Variants in CASD1 observed in about 807,000 individuals in gnomAD.
CASD1 encodes CAS1 domain sialic acid O acetyltransferase 1.
Under a neutral mutation model 100.0 loss-of-function variants are expected in CASD1, and 41 were observed. The ratio of observed to expected loss-of-function variants is 0.41; its 90% CI spans 0.32 to 0.53. The LOEUF is 0.53. CASD1 is among the 20% of genes least tolerant of loss of function. The pLI, the probability that CASD1 is intolerant of heterozygous loss-of-function variation, is 0.25. For missense variants in CASD1, 774 were observed against 948.7 expected (o/e 0.82, Z 2.42); for synonymous variants, 321 against 315.6 (o/e 1.02, Z -0.18).
chr7:94,509,819 T>C lies in CASD1; in HGVS notation c.-266T>C. The C allele has an allele frequency of 1.0e-6, 1 of 988,106 alleles. No homozygotes were observed. Among genetic ancestry groups the C allele is most frequent in the Non-Finnish European group, 1.2e-6 (1 of 833,320 alleles). The allele number at this position is 988,106 out of a possible 1,614,324, so 61.2% of individuals were successfully genotyped here. A position where few individuals can be genotyped will look rare whatever the true frequency, so the allele number is the denominator to read the frequency against. On this transcript the variant is annotated 5_prime_UTR_variant, in exon 1 of 18. Coordinates refer to ENST00000297273, the MANE Select transcript of CASD1 (RefSeq NM_022900.5). ...GAGGAGGAAGGGGAGGAGACAGGCG[T>C]CCAGGGCGCCTGGGGAACCGGCACG...
At chr7:94,558,159 A>G (rs1198670041), downstream of CASD1, among the ~76,000 whole-genome samples, 2 of 152,194 alleles carry the variant, frequency 1.3e-5, no homozygotes, top group African/African-American at 2.4e-5. Flanking sequence ...TGGGTAGCCA[A>G]TAGAAGCATT....
the CASD1 span, among the ~76,000 whole-genome samples, chr7:94,572,167 A>G: frequency 6.6e-6 from 1 of 152,038 alleles, no homozygotes; most frequent in East Asian, 1.9e-4. Context: ...CTCCTGGAGT[A>G]TTTTACTGGG....
At chr7:94,588,686 C>T in the CASD1 span, 3 of 1,590,708 alleles carry the variant, frequency 1.9e-6, no homozygotes, top group Non-Finnish European at 2.6e-6. Context: ...TCTTAGCACT[C>T]ACCTGTAGTC....
intron 3 of CASD1, among the ~76,000 whole-genome samples, chr7:94,518,877 A>T (rs919879479): frequency 1.4e-4 from 21 of 152,068 alleles, no homozygotes; most frequent in South Asian, 6.2e-4. Flanking sequence ...TTTTGCAGTT[A>T]AAAAATACAT....
intron 7 of CASD1, among the ~76,000 whole-genome samples, chr7:94,534,411 C>G (rs980889510): frequency 6.6e-6 from 1 of 151,800 alleles, no homozygotes; most frequent in Non-Finnish European, 1.5e-5. Context: ...TATACTTCAC[C>G]CTGCTTCATA....
At chr7:94,566,368 CAAAAG>C in the CASD1 span, among the ~76,000 whole-genome samples, 2 of 150,410 alleles carry the variant, frequency 1.3e-5, no homozygotes, top group South Asian at 2.1e-4. Flanking sequence ...AGCATATAAA[CAAAAG>C]AAAGCAAAAT....
intron 17 of CASD1, 52 bp downstream of exon 17, chr7:94,554,627 G>A: frequency 8.9e-7 from 1 of 1,123,648 alleles, no homozygotes; most frequent in Non-Finnish European, 1.4e-6. Flanking sequence ...TTTCATGTTT[G>A]TGTATGTACG....
At chr7:94,514,261 CTG>C (rs1348743244) in intron 1 of CASD1, among the ~76,000 whole-genome samples, 1 of 151,880 alleles carries the variant, frequency 6.6e-6, no homozygotes, top group Non-Finnish European at 1.5e-5. Flanking sequence ...CTTTCTTTGA[CTG>C]TTAGAAAGAT....
intron 1 of CASD1, among the ~76,000 whole-genome samples, chr7:94,510,422 A>G (rs1793637575): frequency 6.6e-6 from 1 of 152,138 alleles, no homozygotes; most frequent in Admixed American, 6.5e-5. Flanking sequence ...CCAAAGGACA[A>G]TGGCTGGTGG....
intron 1 of CASD1, among the ~76,000 whole-genome samples, chr7:94,510,824 AC>A (rs1471072458): frequency 6.6e-6 from 1 of 152,366 alleles, no homozygotes; most frequent in Admixed American, 6.5e-5. Flanking sequence ...AAGAGGTGCC[AC>A]CCAGCTTTTG....
intron 10 of CASD1, among the ~76,000 whole-genome samples, chr7:94,539,640 G>C (rs930040634): frequency 7.0e-6 from 1 of 141,890 alleles, no homozygotes; most frequent in African/African-American, 2.6e-5. Context: ...CTGTACTCCA[G>C]CCTGGGTTGC....
intron 13 of CASD1, among the ~76,000 whole-genome samples, chr7:94,549,323 T>C (rs1202411631): frequency 6.6e-6 from 1 of 151,996 alleles, no homozygotes; most frequent in South Asian, 2.1e-4. Context: ...TTTTGGTCAT[T>C]AGAAGATAAA....
chr7:94,521,185 A>C (rs955952234), intron 3 of CASD1, among the ~76,000 whole-genome samples: 1 of 152,164 alleles, frequency 6.6e-6, no homozygotes, highest in Non-Finnish European at 1.5e-5. Flanking sequence ...TGTTCTTGAG[A>C]TGTATTATAG....
chr7:94,606,443 G>A, the CASD1 span, among the ~76,000 whole-genome samples: 5 of 152,162 alleles, frequency 3.3e-5, no homozygotes, highest in African/African-American at 1.2e-4. Flanking sequence ...TCCTTAATGT[G>A]TATATGCCTC....
At chr7:94,561,162 G>A (rs2116460097), downstream of CASD1, among the ~76,000 whole-genome samples, 1 of 152,164 alleles carries the variant, frequency 6.6e-6, no homozygotes, top group East Asian at 1.9e-4. Flanking sequence ...CAGGAGAATC[G>A]TTTGAACCCA....
chr7:94,598,667 C>G, the CASD1 span: 2 of 836,298 alleles, frequency 2.4e-6, no homozygotes, highest in Non-Finnish European at 4.2e-6. Flanking sequence ...GTTATTTTCT[C>G]TTCCAGTTAT....
chr7:94,621,200 A>G, the CASD1 span: 1 of 152,202 alleles, frequency 6.6e-6, no homozygotes, highest in African/African-American at 2.4e-5. Flanking sequence ...GCCATGCTCA[A>G]ACATGTACAT....
chr7:94,615,420 A>G, the CASD1 span, among the ~76,000 whole-genome samples: 1 of 132,608 alleles, frequency 7.5e-6, no homozygotes, highest in African/African-American at 2.7e-5. Flanking sequence ...ATAGATAGAT[A>G]GATAAAGGGC....
the CASD1 span, among the ~76,000 whole-genome samples, chr7:94,615,415 TAGATAGATAAAG>T: frequency 1.5e-5 from 2 of 129,948 alleles, no homozygotes; most frequent in Non-Finnish European, 3.4e-5. Flanking sequence ...GATAGATAGA[TAGATAGATAAAG>T]GGCAATTCTG....
Sources: allele counts gnomAD v4.1 joint callset (sites outside exome capture counted in the v4.1 genomes callset), GRCh38; gene constraint gnomAD v4.1.1; transcripts MANE v1.5; gene names NCBI Gene and HGNC (gene_info 2026-07-23, HGNC 2026-07-21).